Variants in ITGBL1 observed in about 807,000 individuals in gnomAD.
ITGBL1 encodes integrin subunit beta like 1, also known as integrin beta-like protein 1.
ITGBL1 carries 51 observed loss-of-function variants against 68.5 expected under a neutral mutation model. That is an observed-to-expected ratio of 0.74 (90% CI 0.59 to 0.94). ITGBL1 has a LOEUF of 0.94. Among genes scored for constraint, ITGBL1 ranks in the 40% least tolerant of loss-of-function variants. The pLI is 0.00. For synonymous variants in ITGBL1, 209 were observed against 227.3 expected (o/e 0.92, Z 0.72); for missense variants, 649 against 647.4 (o/e 1.00, Z -0.03).
At chr13:101,519,583 G>C (rs1167172071) in intron 2 of ITGBL1, among the ~76,000 whole-genome samples, 1 of 151,890 alleles carries the variant, frequency 6.6e-6, no homozygotes, top group East Asian at 1.9e-4. Context: ...TATAAAGTTT[G>C]GATCAGACAA....
chr13:101,557,243 TC>T (rs2050022599), intron 2 of ITGBL1, among the ~76,000 whole-genome samples: 1 of 152,250 alleles, frequency 6.6e-6, no homozygotes, highest in Admixed American at 6.5e-5. Context: ...AAAAACATTT[TC>T]AACACTGGAA....
chr13:101,507,564 C>T (rs768883876), intron 2 of ITGBL1, among the ~76,000 whole-genome samples: 17 of 152,050 alleles, frequency 1.1e-4, no homozygotes, highest in Non-Finnish European at 1.8e-4. Flanking sequence ...ACAATATCAT[C>T]GATGTTAGGA....
chr13:101,708,730 T>A (rs550493199), intron 9 of ITGBL1, among the ~76,000 whole-genome samples: 1 of 152,234 alleles, frequency 6.6e-6, no homozygotes, highest in Non-Finnish European at 1.5e-5. Flanking sequence ...AATGCAGATG[T>A]ATTCACTTCA....
chr13:101,598,362 A>G (rs1021462763), intron 7 of ITGBL1, 63 bp downstream of exon 7: 33 of 1,237,030 alleles, frequency 2.7e-5, no homozygotes, highest in Non-Finnish European at 3.3e-5. Context: ...AATTCAATGC[A>G]CACACATCTT....
At chr13:101,660,064 A>G (rs1695799177) in intron 7 of ITGBL1, among the ~76,000 whole-genome samples, 1 of 152,154 alleles carries the variant, frequency 6.6e-6, no homozygotes, top group Non-Finnish European at 1.5e-5. Context: ...CACCCTATAG[A>G]TGCCAGTAGC....
At chr13:101,509,272 G>A (rs750339457) in intron 2 of ITGBL1, among the ~76,000 whole-genome samples, 2 of 152,030 alleles carry the variant, frequency 1.3e-5, no homozygotes, top group Non-Finnish European at 2.9e-5. Context: ...GAATAGCACA[G>A]GAAAGACCTG....
chr13:101,509,391 TC>T (rs2049079046), intron 2 of ITGBL1, among the ~76,000 whole-genome samples: 1 of 152,130 alleles, frequency 6.6e-6, no homozygotes, highest in Non-Finnish European at 1.5e-5. Flanking sequence ...AACCATATAG[TC>T]TTTTATATCT....
intron 7 of ITGBL1, among the ~76,000 whole-genome samples, chr13:101,651,320 A>G (rs755753570): frequency 2.6e-5 from 4 of 152,068 alleles, no homozygotes; most frequent in Non-Finnish European, 4.4e-5. Context: ...TTGTTTCTTG[A>G]CTTTTTAATA....
At chr13:101,596,250 A>G (rs1225583749) in intron 6 of ITGBL1, among the ~76,000 whole-genome samples, 1 of 152,192 alleles carries the variant, frequency 6.6e-6, no homozygotes, top group East Asian at 1.9e-4. Flanking sequence ...ACTCTTAGAA[A>G]TAGAGTAGAA....
intron 6 of ITGBL1, among the ~76,000 whole-genome samples, chr13:101,587,976 A>G (rs1018445441): frequency 6.6e-6 from 1 of 152,254 alleles, no homozygotes; most frequent in African/African-American, 2.4e-5. Flanking sequence ...TTAAAAAGAA[A>G]GAAGTATCCT....
rs1482626576 is a variant in ITGBL1, at chr13:101,466,771, G to A, written c.316+12671G>A. ...CAGTTCTGAGTAAACAGTACAGATCGATCTTTCCTGGAGCTCTGCTTTGTA... is the reference window on the plus strand; with the variant it reads ...CAGTTCTGAGTAAACAGTACAGATCAATCTTTCCTGGAGCTCTGCTTTGTA... On this transcript the variant is annotated intron_variant, in intron 2 of 10. Coordinates refer to ENST00000376180, the MANE Select transcript of ITGBL1 (RefSeq NM_004791.3). Among the ~76,000 whole-genome samples, 14 of 152,148 alleles carry A rather than the reference G, an allele frequency of 9.2e-5. No homozygotes were observed. The East Asian group carries it at 2.7e-3, about 29-fold the overall frequency.
chr13:101,481,184 A>AGG (rs2048618846), intron 2 of ITGBL1, among the ~76,000 whole-genome samples: 1 of 137,294 alleles, frequency 7.3e-6, no homozygotes, highest in Admixed American at 8.0e-5. Flanking sequence ...ATATATACAT[A>AGG]TGAGAGAGAG....
intron 2 of ITGBL1, among the ~76,000 whole-genome samples, chr13:101,545,293 T>A (rs1453434797): frequency 6.6e-6 from 1 of 152,140 alleles, no homozygotes; most frequent in African/African-American, 2.4e-5. Flanking sequence ...ATTAACAGTG[T>A]TAGAATGAAT....
At chr13:101,568,966 GTCTT>G (rs908108216) in intron 3 of ITGBL1, among the ~76,000 whole-genome samples, 12 of 150,432 alleles carry the variant, frequency 8.0e-5, no homozygotes, top group African/African-American at 2.9e-4. Flanking sequence ...TAGCACTTCA[GTCTT>G]TCTTTCTTCT....
chr13:101,518,529 C>A (rs1296407691), intron 2 of ITGBL1, among the ~76,000 whole-genome samples: 1 of 152,098 alleles, frequency 6.6e-6, no homozygotes, highest in Non-Finnish European at 1.5e-5. Context: ...TCAGAATCTT[C>A]TTAATTATTG....
Position 101,692,678 on chromosome 13 carries a change from A to G in ITGBL1, c.1109A>G (p.Asp370Gly), listed in dbSNP as rs751355360. Reference sequence around the variant, plus strand: ...GAGTGTGATGATCGCCGCTGTGAAGACCTCGATGGTGTGGTCTGTGGAGGT... The same window carrying G: ...GAGTGTGATGATCGCCGCTGTGAAGGCCTCGATGGTGTGGTCTGTGGAGGT... ...TCECDDRRCE[D>G]LDGVVCGGHG... The change falls in exon 8 of 11, where the codon GAC (aspartate) becomes GGC (glycine). Residue 370 changes from aspartate to glycine, a missense_variant. Transcript: ENST00000376180. 2.5e-6 allele frequency: 4 copies of G among 1,613,022 alleles called. No individual in the cohort carries two copies. The highest frequency in any genetic ancestry group is 3.4e-6 in the Non-Finnish European group (4 of 1,179,168).
At chr13:101,458,375 T>C (rs2048273014) in intron 2 of ITGBL1, among the ~76,000 whole-genome samples, 1 of 152,142 alleles carries the variant, frequency 6.6e-6, no homozygotes, top group African/African-American at 2.4e-5. Context: ...ATGTGGATGT[T>C]TGGGAAATAG....
At chr13:101,584,180 A>G (rs1359336416) in intron 6 of ITGBL1, among the ~76,000 whole-genome samples, 1 of 152,204 alleles carries the variant, frequency 6.6e-6, no homozygotes, top group Non-Finnish European at 1.5e-5. Context: ...ACTGAGTGAC[A>G]TCTGGGCTAC....
chr13:101,659,726 G>A (rs1318778749), intron 7 of ITGBL1, among the ~76,000 whole-genome samples: 1 of 152,154 alleles, frequency 6.6e-6, no homozygotes, highest in East Asian at 1.9e-4. Context: ...CTCCCAAAGT[G>A]CTGGGATTAC....
Sources: allele counts gnomAD v4.1 joint callset (sites outside exome capture counted in the v4.1 genomes callset), GRCh38; gene constraint gnomAD v4.1.1; transcripts MANE v1.5; gene names NCBI Gene and HGNC (gene_info 2026-07-23, HGNC 2026-07-21).